The following PEX5L variants were observed in gnomAD, a reference collection of about 807,000 sequenced individuals.
PEX5L encodes the protein peroxisomal biogenesis factor 5 like.
A neutral mutation model predicts 84.0 loss-of-function variants in PEX5L; 30 were observed. The ratio of observed to expected loss-of-function variants is 0.36; its 90% CI spans 0.27 to 0.48. The LOEUF (loss-of-function observed/expected upper bound fraction) is 0.48, where lower values mean the gene tolerates loss of function less well. Ranked by LOEUF, PEX5L falls within the 20% of genes least tolerant of loss-of-function variation. The pLI is 0.99. For synonymous variants in PEX5L, 270 were observed against 283.1 expected (o/e 0.95, Z 0.46); for missense variants, 533 against 754.6 (o/e 0.71, Z 3.44).
chr3:179,847,081 G>GTGTATATATA (rs777216967), intron 8 of PEX5L, among the ~76,000 whole-genome samples: 26 of 105,554 alleles, frequency 2.5e-4, no homozygotes, highest in African/African-American at 7.6e-4. Context: ...GTGTGTGTGT[G>GTGTATATATA]TATATATATA....
chr3:179,888,921 T>C (rs1756765391), intron 3 of PEX5L, among the ~76,000 whole-genome samples: 1 of 151,974 alleles, frequency 6.6e-6, no homozygotes, highest in Non-Finnish European at 1.5e-5. Context: ...TGCACCACTA[T>C]GGCCGGCTAA....
Position 179,795,491 on chromosome 3 carries a change from G to A in PEX5L, c.*6337C>T, listed in dbSNP as rs1410351546. The A allele has an allele frequency of 6.6e-6, 1 of 152,108 alleles. No individual in the cohort carries two copies. 9.4% of individuals were successfully genotyped at this position (152,108 alleles called of 1,614,324 possible). ...TAAGATGAAGCCTTAATACCCAACAGAGTTGTGCTATGATACATATTATTT... is the reference window on the plus strand; with the variant it reads ...TAAGATGAAGCCTTAATACCCAACAAAGTTGTGCTATGATACATATTATTT... On this transcript the variant is annotated 3_prime_UTR_variant, in exon 15 of 15. Transcript: ENST00000467460.
At chr3:180,013,351 A>C (rs756339366) in intron 1 of PEX5L, among the ~76,000 whole-genome samples, 9 of 152,230 alleles carry the variant, frequency 5.9e-5, no homozygotes, top group Non-Finnish European at 1.2e-4. Flanking sequence ...GTAAATCAAA[A>C]TGATGGCAAA....
chr3:179,889,735 T>C (rs1757033747), intron 3 of PEX5L, among the ~76,000 whole-genome samples: 1 of 152,198 alleles, frequency 6.6e-6, no homozygotes, highest in Admixed American at 6.5e-5. Flanking sequence ...AATTTGAACA[T>C]TCCTGGGTAT....
At chr3:180,022,083 T>C (rs1790472147) in intron 1 of PEX5L, among the ~76,000 whole-genome samples, 1 of 152,174 alleles carries the variant, frequency 6.6e-6, no homozygotes, top group Admixed American at 6.6e-5. Context: ...TTCTAAAATA[T>C]TAATTTTAAC....
At position 179,795,835 on chromosome 3, in the gene PEX5L, ATGTT is replaced by A. The variant is rs769468529; in HGVS notation, c.*5989_*5992del. On this transcript the variant is annotated 3_prime_UTR_variant, in exon 15 of 15. Coordinates refer to ENST00000467460, the MANE Select transcript of PEX5L (RefSeq NM_016559.3). ...AGAAATGTCTTTTCTAAATAGTTAA[ATGTT>A]TGTTACAGTTTGTAAAAAGTTTAAT... 2.0e-5 allele frequency: 3 copies of A among 152,346 alleles called. No homozygotes were observed. Among genetic ancestry groups the A allele is most frequent in the Admixed American group, 2.0e-4 (3 of 15,300 alleles). 9.4% of individuals were successfully genotyped at this position (152,346 alleles called of 1,614,324 possible).
intron 2 of PEX5L, among the ~76,000 whole-genome samples, chr3:179,948,598 G>A (rs1010457394): frequency 7.9e-5 from 12 of 152,174 alleles, no homozygotes; most frequent in African/African-American, 1.9e-4. Flanking sequence ...AATTCCCTCC[G>A]TGCAGGAGCT....
intron 2 of PEX5L, among the ~76,000 whole-genome samples, chr3:179,961,992 A>G (rs1782161685): frequency 6.6e-6 from 1 of 152,264 alleles, no homozygotes; most frequent in Admixed American, 6.5e-5. Flanking sequence ...GGGAGGAAAC[A>G]CTTTGTTAAT....
intron 2 of PEX5L, among the ~76,000 whole-genome samples, chr3:179,971,193 T>TCTCTC (rs374504805): frequency 7.9e-5 from 12 of 151,636 alleles, no homozygotes; most frequent in South Asian, 2.1e-4. Flanking sequence ...TTTTCTCTCT[T>TCTCTC]TCTCTCTCTC....
At chr3:180,012,380 T>C (rs1290635673) in intron 1 of PEX5L, among the ~76,000 whole-genome samples, 2 of 148,824 alleles carry the variant, frequency 1.3e-5, no homozygotes, top group African/African-American at 2.5e-5. Flanking sequence ...TTTGTATTCT[T>C]GCTTTTTATG....
chr3:179,924,104 G>A (rs1023111265), intron 2 of PEX5L, among the ~76,000 whole-genome samples: 5 of 152,252 alleles, frequency 3.3e-5, no homozygotes, highest in Admixed American at 6.5e-5. Flanking sequence ...TTGAAAAGCC[G>A]CTCTCAGACT....
At chr3:179,882,733 A>G (rs147883445) in intron 4 of PEX5L, among the ~76,000 whole-genome samples, 4 of 152,304 alleles carry the variant, frequency 2.6e-5, no homozygotes, top group East Asian at 3.9e-4. Flanking sequence ...CTTAAATCCT[A>G]TTTTAAAGAT....
At chr3:179,830,799 G>A (rs1732553376) in intron 8 of PEX5L, among the ~76,000 whole-genome samples, 1 of 152,154 alleles carries the variant, frequency 6.6e-6, no homozygotes, top group Non-Finnish European at 1.5e-5. Flanking sequence ...TGCCAGGCCA[G>A]AGACTCTACT....
At chr3:179,861,811 T>C (rs1487451382) in intron 7 of PEX5L, among the ~76,000 whole-genome samples, 2 of 134,040 alleles carry the variant, frequency 1.5e-5, no homozygotes. Flanking sequence ...GCAGCCAATT[T>C]ATACTCTTTG....
At chr3:179,964,885 T>C (rs896634571) in intron 2 of PEX5L, among the ~76,000 whole-genome samples, 3 of 152,186 alleles carry the variant, frequency 2.0e-5, no homozygotes, top group African/African-American at 4.8e-5. Flanking sequence ...AAGAACTTAT[T>C]TCTTTCTCCC....
intron 7 of PEX5L, among the ~76,000 whole-genome samples, chr3:179,871,681 AG>A (rs1750450415): frequency 6.6e-6 from 1 of 152,188 alleles, no homozygotes; most frequent in Admixed American, 6.5e-5. Context: ...TGTTCAAATA[AG>A]GCAAATGCCA....
intron 1 of PEX5L, among the ~76,000 whole-genome samples, chr3:180,024,387 A>C (rs147090425): frequency 0.22 from 25,927 of 120,492 alleles, 4,353 homozygotes; most frequent in African/African-American, 0.46. Context: ...CACACAAAAA[A>C]AAAAAAAATT....
intron 2 of PEX5L, among the ~76,000 whole-genome samples, chr3:179,907,352 G>A (rs1001652463): frequency 2.6e-5 from 4 of 152,078 alleles, no homozygotes; most frequent in Non-Finnish European, 5.9e-5. Flanking sequence ...GGTCTCTGTT[G>A]CCCAGGCTGA....
At chr3:179,807,868 C>A (rs755374690) in intron 13 of PEX5L, 37 bp from the exon 14 acceptor site, 6 of 1,582,462 alleles carry the variant, frequency 3.8e-6, no homozygotes, top group Non-Finnish European at 5.2e-6. Flanking sequence ...CAACCCAGTA[C>A]AAGGCACAAT....
Sources: allele counts gnomAD v4.1 joint callset (sites outside exome capture counted in the v4.1 genomes callset), GRCh38; gene constraint gnomAD v4.1.1; transcripts MANE v1.5; gene names NCBI Gene and HGNC (gene_info 2026-07-23, HGNC 2026-07-21).